The following CCAR1 variants were observed in gnomAD, a reference collection of about 807,000 sequenced individuals.
CCAR1 encodes the protein cell division cycle and apoptosis regulator 1.
A neutral mutation model predicts 163.8 loss-of-function variants in CCAR1; 78 were observed. That is an observed-to-expected ratio of 0.48 (90% confidence interval 0.40 to 0.57). The LOEUF (loss-of-function observed/expected upper bound fraction) is 0.57. CCAR1 is among the 20% of genes least tolerant of loss of function. The pLI is 0.00. For missense variants in CCAR1, 1,019 were observed against 1,365.2 expected (o/e 0.75, Z 4.00); for synonymous variants, 443 against 460.7 (o/e 0.96, Z 0.49).
chr10:68,736,797 T>C (rs1225145538), intron 2 of CCAR1, 79 bp from the exon 3 acceptor site: 1 of 1,266,846 alleles, frequency 7.9e-7, no homozygotes, highest in African/African-American at 1.5e-5. Flanking sequence ...TGCGGGTATC[T>C]CTTCTATGTA....
intron 2 of CCAR1, among the ~76,000 whole-genome samples, chr10:68,734,125 A>G (rs1440841036): frequency 1.3e-5 from 2 of 152,082 alleles, no homozygotes; most frequent in Non-Finnish European, 2.9e-5. Context: ...GGTAAACCTC[A>G]AACTTTGAAT....
chr10:68,757,505 C>G (rs2056410113), intron 15 of CCAR1, 128 bp downstream of exon 15: 1 of 512,268 alleles, frequency 2.0e-6, no homozygotes, highest in African/African-American at 2.0e-5. Context: ...GCCTCTGCCT[C>G]CTGGGTTCAG....
chr10:68,753,688 A>G (rs1049542317), intron 10 of CCAR1, among the ~76,000 whole-genome samples, 164 bp from the exon 11 acceptor site: 1 of 152,236 alleles, frequency 6.6e-6, no homozygotes, highest in Non-Finnish European at 1.5e-5. Context: ...TTTGAACGTA[A>G]TATTTTCATA....
At position 68,773,038 on chromosome 10, in the gene CCAR1, A is replaced by C. The variant is rs1409425790; in HGVS notation, c.2589A>C (p.Glu863Asp). ...DDSKDDDETEEDNNQDEYDPM... is the reference protein window; with the variant it reads ...DDSKDDDETEDDNNQDEYDPM... ...CTAAAGATGATGATGAAACTGAAGAAGATAACAATCAAGATGAATATGACC... is the reference window on the plus strand; with the variant it reads ...CTAAAGATGATGATGAAACTGAAGACGATAACAATCAAGATGAATATGACC... The change falls in exon 19 of 25, where the codon GAA becomes GAC. Residue 863 changes from glutamate (E) to aspartate (D), a missense_variant. By Grantham distance (45) the Glu-to-Asp change is conservative. This residue lies in a region of CCAR1 where 358 missense variants were observed against 406.4 expected (regional missense o/e 0.88). Transcript: ENST00000265872. 1.3e-6 allele frequency: 2 copies of C among 1,565,382 alleles called. No individual in the cohort carries two copies. Among genetic ancestry groups the C allele is most frequent in the Admixed American group, 3.6e-5 (2 of 55,544 alleles).
At position 68,747,031 on chromosome 10, in the gene CCAR1, A is replaced by T. The variant is rs560798197; in HGVS notation, c.519-130A>T. On this transcript the variant is annotated intron_variant, in intron 6 of 24. Coordinates refer to ENST00000265872, the MANE Select transcript of CCAR1 (RefSeq NM_018237.4). The stretch of plus-strand genomic sequence containing the variant: ...AGAGCTTTCCAGGCTTCCATTTCTG[A>T]TATAGTTTACTGTTTATTTTTTTTT... 9.1e-5 allele frequency: 50 copies of T among 551,930 alleles called. No individual in the cohort carries two copies. In the Admixed American group the frequency reaches 1.7e-3, roughly 19 times the overall value. The allele number at this position is 551,930 out of a possible 1,614,324, so 34.2% of individuals were successfully genotyped here.
chr10:68,752,937 TAGA>T (rs2056352780), intron 10 of CCAR1, among the ~76,000 whole-genome samples: 1 of 143,092 alleles, frequency 7.0e-6, no homozygotes, highest in Admixed American at 6.9e-5. Context: ...GATAGATAGA[TAGA>T]TTCTGTCTGT....
intron 16 of CCAR1, among the ~76,000 whole-genome samples, chr10:68,764,569 G>A (rs774447983): frequency 6.6e-6 from 1 of 151,802 alleles, no homozygotes; most frequent in Non-Finnish European, 1.5e-5. Context: ...GTATTGAAAT[G>A]CACAAACCCT....
intron 18 of CCAR1, 83 bp from the exon 19 acceptor site, chr10:68,772,905 G>GT: frequency 1.5e-6 from 1 of 649,808 alleles, no homozygotes; most frequent in South Asian, 2.2e-5. Context: ...GAGCCCACGG[G>GT]TTGGAGACCA....
At chr10:68,785,405 A>G (rs1269357435) in intron 19 of CCAR1, among the ~76,000 whole-genome samples, 1 of 150,752 alleles carries the variant, frequency 6.6e-6, no homozygotes, top group African/African-American at 2.4e-5. Flanking sequence ...ATTTTTTTGT[A>G]GAGATGGAGT....
intron 15 of CCAR1, 160 bp from the exon 16 acceptor site, chr10:68,760,845 CAG>C (rs2056460013): frequency 2.2e-6 from 1 of 445,882 alleles, no homozygotes; most frequent in African/African-American, 2.1e-5. Context: ...GCCTGGGCGA[CAG>C]AGTTTGGCTC....
At chr10:68,786,060 C>G (rs2056791749) in intron 19 of CCAR1, 76 bp from the exon 20 acceptor site, 1 of 938,104 alleles carries the variant, frequency 1.1e-6, no homozygotes, top group East Asian at 2.6e-5. Context: ...GCTGGGATAA[C>G]AGTCATGTGC....
At chr10:68,752,930 A>G (rs894282724) in intron 10 of CCAR1, among the ~76,000 whole-genome samples, 3 of 144,886 alleles carry the variant, frequency 2.1e-5, no homozygotes, top group Admixed American at 6.7e-5. Context: ...ATAGATAGAT[A>G]GATAGATAGA....
intron 6 of CCAR1, among the ~76,000 whole-genome samples, chr10:68,743,403 A>G (rs2056209733): frequency 1.3e-5 from 2 of 151,242 alleles, no homozygotes; most frequent in Admixed American, 1.3e-4. Flanking sequence ...CGACCTCACG[A>G]TCCACCTGCC....
intron 11 of CCAR1, 134 bp downstream of exon 11, chr10:68,754,211 C>T (rs2133362023): frequency 1.7e-6 from 1 of 579,320 alleles, no homozygotes; most frequent in East Asian, 2.8e-5. Context: ...CTGCTTGATC[C>T]TATTTTGGTT....
chr10:68,733,632 C>T (rs945357395), intron 2 of CCAR1, among the ~76,000 whole-genome samples: 32 of 151,932 alleles, frequency 2.1e-4, no homozygotes, highest in Admixed American at 2.0e-3. Context: ...AGCAAGACCC[C>T]ATCTCTATTA....
rs545118465 is a variant in CCAR1 at position 68,768,263 on chromosome 10, A to G, written c.2298+2184A>G. On this transcript the variant is annotated intron_variant, in intron 17 of 24. Transcript: ENST00000265872. Reference sequence around the variant, plus strand: ...TTTTTTTCCAATGTTAATTATTCCAATAAGCAGATGTCCTTAAAATCAGAT... The same window carrying G: ...TTTTTTTCCAATGTTAATTATTCCAGTAAGCAGATGTCCTTAAAATCAGAT... 5.3e-5 allele frequency among the ~76,000 whole-genome samples: 8 copies of G among 152,270 alleles called. No individual in the cohort carries two copies. In the East Asian group the frequency reaches 7.7e-4, roughly 15 times the overall value.
Position 68,791,219 on chromosome 10 carries a change from A to G in CCAR1, c.3406A>G (p.Asn1136Asp), listed in dbSNP as rs2056848774. ...TATTGTCTTATAGGATAATGTAAAG[A>G]ATGAAGACAAAGATCAAAAATCCAA... ...HTVLKKDNVK[N>D]EDKDQKSKEN... is the part of the protein sequence containing the mutation. Residue 1136 changes from asparagine to aspartate, a missense_variant, in exon 25 of 25, where the codon AAT becomes GAT. This residue lies in a region of CCAR1 where 358 missense variants were observed against 406.4 expected (regional missense o/e 0.88). Coordinates refer to ENST00000265872, the MANE Select transcript of CCAR1 (RefSeq NM_018237.4). The G allele has an allele frequency of 2.5e-6, 4 of 1,586,712 alleles. No homozygotes were observed. The East Asian group carries it at 9.0e-5, about 36-fold the overall frequency.
chr10:68,752,927 GATAGATA>G (rs2056352114), intron 10 of CCAR1, among the ~76,000 whole-genome samples: 2 of 146,166 alleles, frequency 1.4e-5, no homozygotes, highest in Non-Finnish European at 3.0e-5. Context: ...TAGATAGATA[GATAGATA>G]GATAGATTCT....
chr10:68,760,546 C>T (rs2056455658), intron 15 of CCAR1, among the ~76,000 whole-genome samples: 1 of 152,082 alleles, frequency 6.6e-6, no homozygotes, highest in Admixed American at 6.6e-5. Flanking sequence ...GTGAGCTGTA[C>T]AAATGTTCTT....
Sources: allele counts gnomAD v4.1 joint callset (sites outside exome capture counted in the v4.1 genomes callset), GRCh38; gene constraint gnomAD v4.1.1; regional missense constraint gnomAD v4.1.1; transcripts MANE v1.5; gene names NCBI Gene and HGNC (gene_info 2026-07-23, HGNC 2026-07-21).